ERBB3: variants seen among roughly 807,000 people sequenced by gnomAD.
The protein encoded by ERBB3 is receptor tyrosine-protein kinase erbB-3.
A neutral mutation model predicts 156.7 loss-of-function variants in ERBB3; 96 were observed. That is an observed-to-expected ratio of 0.61 (90% confidence interval 0.52 to 0.73). The LOEUF (loss-of-function observed/expected upper bound fraction) is 0.73. Among genes scored for constraint, ERBB3 ranks in the 30% least tolerant of loss-of-function variants. The pLI is 0.00. For synonymous variants in ERBB3, 567 were observed against 632.0 expected (o/e 0.90, Z 1.54); for missense variants, 1,406 against 1,709.4 (o/e 0.82, Z 3.13).
rs1440261450 is a variant in ERBB3 at position 56,101,302 on chromosome 12, C to A, written c.3443C>A (p.Pro1148Gln). The change falls in exon 27 of 28, where the codon CCA (proline) becomes CAA (glutamine). Residue 1148 changes from proline (P) to glutamine (Q), a missense_variant. Pro to Gln is a moderately conservative substitution (Grantham distance 76). This residue lies in a region of ERBB3 where 415 missense variants were observed against 454.1 expected (regional missense o/e 0.91). Transcript: ENST00000267101. ...CTGACTCCTGTTACCCCACTCTCCCCACCCGGGTTAGAGGAAGAGGATGTC... is the reference window on the plus strand; with the variant it reads ...CTGACTCCTGTTACCCCACTCTCCCAACCCGGGTTAGAGGAAGAGGATGTC... ...SLLTPVTPLS[P>Q]PGLEEEDVNG... The A allele has an allele frequency of 1.9e-6, 3 of 1,614,202 alleles. No individual in the cohort carries two copies. Among genetic ancestry groups the A allele is most frequent in the Non-Finnish European group, 1.7e-6 (2 of 1,180,032 alleles).
chr12:56,101,432 C>T, intron 27 of ERBB3, 71 bp downstream of exon 27: 2 of 1,596,796 alleles, frequency 1.3e-6, no homozygotes, highest in Non-Finnish European at 1.7e-6. Flanking sequence ...CTTTTTTCTT[C>T]TCTGATCATA....
At chr12:56,086,481 G>T in intron 3 of ERBB3, 50 bp from the exon 4 acceptor site, 1 of 1,612,870 alleles carries the variant, frequency 6.2e-7, no homozygotes, top group Non-Finnish European at 8.5e-7. Flanking sequence ...AGGTAAGGAA[G>T]AGGCGTTCCG....
In ERBB3 at chr12:56,093,404, C is replaced by A. The variant is rs2136809406; in HGVS notation, c.1334C>A (p.Ser445Tyr). Reference protein sequence around the residue: ...NLNVTSLGFRSLKEISAGRIY... With the variant: ...NLNVTSLGFRYLKEISAGRIY... Reference sequence around the variant, plus strand: ...AATGTCACATCTCTGGGCTTCCGATCCCTGAAGGAAATTAGTGCTGGGCGT... The same window carrying A: ...AATGTCACATCTCTGGGCTTCCGATACCTGAAGGAAATTAGTGCTGGGCGT... The change falls in exon 12 of 28, where the codon TCC (serine) becomes TAC (tyrosine). Residue 445 changes from serine to tyrosine, a missense_variant. Ser to Tyr is a moderately radical substitution (Grantham distance 144). Around this residue, in one of 3 missense-constraint regions of ERBB3, gnomAD observed 979 missense variants for 1,219.6 expected, o/e 0.80. Transcript: ENST00000267101. 6.2e-7 allele frequency: 1 copy of A among 1,614,050 alleles called. No homozygotes were observed.
intron 17 of ERBB3, 193 bp downstream of exon 17, chr12:56,095,999 G>A (rs1592230279): frequency 3.1e-6 from 2 of 650,538 alleles, no homozygotes; most frequent in East Asian, 5.5e-5. Flanking sequence ...GAAGAACACT[G>A]GTCAGAGAAA....
Position 56,098,534 on chromosome 12 carries a change from A to T in ERBB3, c.2651A>T (p.His884Leu). Residue 884 changes from histidine (H) to leucine (L), a missense_variant, in exon 22 of 28, where the codon CAC becomes CTC. By Grantham distance (99) the His-to-Leu change is moderately conservative. This residue lies in a region of ERBB3 where 979 missense variants were observed against 1,219.6 expected (regional missense o/e 0.80). Transcript: ENST00000267101. ...AAGTGGATGGCCCTTGAGAGTATCCACTTTGGGAAATACACACACCAGAGT... is the reference window on the plus strand; with the variant it reads ...AAGTGGATGGCCCTTGAGAGTATCCTCTTTGGGAAATACACACACCAGAGT... ...PIKWMALESI[H>L]FGKYTHQSDV... 1.2e-6 allele frequency: 2 copies of T among 1,613,928 alleles called. No homozygotes were observed. Among genetic ancestry groups the T allele is most frequent in the Non-Finnish European group, 1.7e-6 (2 of 1,179,762 alleles).
At chr12:56,081,701 C>T (rs1037600328) in intron 1 of ERBB3, among the ~76,000 whole-genome samples, 8 of 152,074 alleles carry the variant, frequency 5.3e-5, no homozygotes, top group African/African-American at 1.9e-4. Context: ...TCTCTTTACC[C>T]TTTATCTGGG....
In ERBB3 at chr12:56,080,288, C is replaced by G. The variant is rs369524865; in HGVS notation, c.-13C>G. The G allele has an allele frequency of 6.4e-6, 10 of 1,557,106 alleles. No homozygotes were observed. The highest frequency in any genetic ancestry group is 7.8e-6 in the Non-Finnish European group (9 of 1,149,396). On this transcript the variant is annotated 5_prime_UTR_variant, in exon 1 of 28. Transcript: ENST00000267101. ...CCGGACTTGGCTGGGCTCCCTTCAC[C>G]CTCTGCGGAGTCATGAGGGCGAACG...
At chr12:56,096,014 A>T (rs141742993) in intron 17 of ERBB3, 1 of 625,446 alleles carries the variant, frequency 1.6e-6, no homozygotes, top group Non-Finnish European at 2.8e-6. Flanking sequence ...GAGAAATGGG[A>T]GGCATGCATT....
rs368392747 is a variant in ERBB3 at position 56,087,577 on chromosome 12, G to T, written c.548G>T (p.Cys183Phe). ...EIVVKDNGRS[C>F]PPCHEVCKGR... ...TTGTGTTGCCTTCCTTCCCAACCAG[G>T]TCCCCCCTGTCATGAGGTTTGCAAG... Residue 183 changes from cysteine (C) to phenylalanine (F), a missense_variant and splice_region_variant, in exon 5 of 28, where the codon TGT becomes TTT. By Grantham distance (205) the Cys-to-Phe change is radical. Coordinates refer to ENST00000267101, the MANE Select transcript of ERBB3 (RefSeq NM_001982.4). The T allele has an allele frequency of 5.6e-6, 9 of 1,613,876 alleles. No individual in the cohort carries two copies. Among genetic ancestry groups the T allele is most frequent in the South Asian group, 2.2e-5 (2 of 91,070 alleles).
chr12:56,098,962 T>C, intron 23 of ERBB3, 57 bp downstream of exon 23: 4 of 1,531,962 alleles, frequency 2.6e-6, no homozygotes, highest in Admixed American at 1.9e-5. Flanking sequence ...TTTCTTTTTT[T>C]TTTTTTTTTG....
chr12:56,092,248 G>C (rs749956764), intron 9 of ERBB3, among the ~76,000 whole-genome samples: 1 of 151,638 alleles, frequency 6.6e-6, no homozygotes, highest in Non-Finnish European at 1.5e-5. Flanking sequence ...AATTAGCCAG[G>C]CATGGTGGTG....
rs79759315 is a variant in ERBB3, at chr12:56,101,265, C to A, written c.3406C>A (p.Arg1136Ser). 11 of 1,614,142 alleles carry A rather than the reference C, an allele frequency of 6.8e-6. No individual in the cohort carries two copies. Among genetic ancestry groups the A allele is most frequent in the Non-Finnish European group, 8.5e-6 (10 of 1,180,008 alleles). ...CGGAGATAGCGCCTACCATTCCCAG[C>A]GCCACAGTCTGCTGACTCCTGTTAC... ...PRGDSAYHSQ[R>S]HSLLTPVTPL... The change falls in exon 27 of 28, where the codon CGC becomes AGC. Residue 1136 changes from arginine (R) to serine (S), a missense_variant. Arg to Ser is a moderately radical substitution (Grantham distance 110). This residue lies in a region of ERBB3 where 415 missense variants were observed against 454.1 expected (regional missense o/e 0.91). Coordinates refer to ENST00000267101, the MANE Select transcript of ERBB3 (RefSeq NM_001982.4).
In ERBB3 at chr12:56,097,789, T is replaced by A. The variant is rs1349788417; in HGVS notation, c.2465T>A (p.Met822Lys). 29 of 1,613,748 alleles carry A rather than the reference T, an allele frequency of 1.8e-5. No homozygotes were observed. Among genetic ancestry groups the A allele is most frequent in the Non-Finnish European group, 2.5e-5 (29 of 1,179,786 alleles). Reference sequence around the variant, plus strand: ...TTTCTTCCCCTATACCTACAGGGAATGTACTACCTTGAGGAACATGGTATG... The same window carrying A: ...TTTCTTCCCCTATACCTACAGGGAAAGTACTACCTTGAGGAACATGGTATG... ...LNWGVQIAKG[M>K]YYLEEHGMVH... is the part of the protein sequence containing the mutation. The change falls in exon 21 of 28, where the codon ATG becomes AAG. Residue 822 changes from methionine to lysine, a missense_variant. By Grantham distance (95) the Met-to-Lys change is moderately conservative. Coordinates refer to ENST00000267101, the MANE Select transcript of ERBB3 (RefSeq NM_001982.4).
At chr12:56,083,474 C>T in intron 1 of ERBB3, 1 of 475,354 alleles carries the variant, frequency 2.1e-6, no homozygotes, top group Non-Finnish European at 3.9e-6. Context: ...CAGTTAACCC[C>T]TTAGTACCCA....
At chr12:56,094,596 G>C (rs772908961) in intron 15 of ERBB3, 40 bp downstream of exon 15, 2 of 1,607,046 alleles carry the variant, frequency 1.2e-6, no homozygotes, top group Non-Finnish European at 1.7e-6. Context: ...TCAGGTGGAA[G>C]GGTAGGAGCA....
At position 56,102,236 on chromosome 12, in the gene ERBB3, C is replaced by G. The variant is rs1422369624; in HGVS notation, c.*181C>G. ...GACACAAAATTCTTATGGTATGTAG[C>G]CAGCTGTGCACTTTCTTCTCTTTCC... On this transcript the variant is annotated 3_prime_UTR_variant, in exon 28 of 28. Transcript: ENST00000267101. 1.6e-6 allele frequency: 1 copy of G among 626,284 alleles called. No homozygotes were observed. The highest frequency in any genetic ancestry group is 2.8e-6 in the Non-Finnish European group (1 of 356,432). The allele number at this position is 626,284 out of a possible 1,614,324, so 38.8% of individuals were successfully genotyped here. A position where few individuals can be genotyped will look rare whatever the true frequency, so the allele number is the denominator to read the frequency against.
intron 2 of ERBB3, 109 bp from the exon 3 acceptor site, chr12:56,084,885 GA>G (rs1292912932): frequency 2.0e-6 from 3 of 1,536,492 alleles, no homozygotes; most frequent in Non-Finnish European, 1.8e-6. Flanking sequence ...AGGAAAGAAA[GA>G]AGGAAGAATT....
rs375740977 is a variant in ERBB3 at position 56,088,049 on chromosome 12, C to G, written c.761C>G (p.Ala254Gly). The G allele has an allele frequency of 6.2e-7, 1 of 1,614,078 alleles. No homozygotes were observed. Among genetic ancestry groups the G allele is most frequent in the Non-Finnish European group, 8.5e-7 (1 of 1,179,968 alleles). Residue 254 changes from alanine (A) to glycine (G), a missense_variant, in exon 7 of 28, where the codon GCC becomes GGC. Coordinates refer to ENST00000267101, the MANE Select transcript of ERBB3 (RefSeq NM_001982.4). ...FACRHFNDSGACVPRCPQPLV... is the reference protein window; with the variant it reads ...FACRHFNDSGGCVPRCPQPLV... ...TGCCGGCACTTCAATGACAGTGGAG[C>G]CTGTGTACCTCGCTGTCCACAGCCT...
chr12:56,086,688 TC>T lies in ERBB3; in HGVS notation c.547+35del. 3.1e-6 allele frequency: 5 copies of T among 1,613,500 alleles called. No homozygotes were observed. The East Asian group carries it at 1.1e-4, about 36-fold the overall frequency. On this transcript the variant is annotated intron_variant, in intron 4 of 27. Transcript: ENST00000267101. ...GGCCGTGATCAAGATTGCTCCCCAG[TC>T]CCACCAAACCAGAGTGACTCCCTTC...
Sources: allele counts gnomAD v4.1 joint callset (sites outside exome capture counted in the v4.1 genomes callset), GRCh38; gene constraint gnomAD v4.1.1; regional missense constraint gnomAD v4.1.1; transcripts MANE v1.5; gene names NCBI Gene and HGNC (gene_info 2026-07-23, HGNC 2026-07-21).